The following BMPR2 variants were observed in gnomAD, a reference collection of about 807,000 sequenced individuals.
The protein encoded by BMPR2 is bone morphogenetic protein receptor type-2.
BMPR2 carries 29 observed loss-of-function variants against 100.8 expected under a neutral mutation model. The observed-to-expected ratio is 0.29, with a 90% CI of 0.21 to 0.39. The LOEUF is 0.39. Ranked by LOEUF, BMPR2 falls within the 10% of genes least tolerant of loss-of-function variation. BMPR2 has a pLI of 1.00. For synonymous variants in BMPR2, 382 were observed against 442.3 expected (o/e 0.86, Z 1.71); for missense variants, 1,011 against 1,274.5 (o/e 0.79, Z 3.15).
intron 3 of BMPR2, among the ~76,000 whole-genome samples, chr2:202,510,806 G>C (rs914525611): frequency 5.3e-5 from 8 of 151,802 alleles, no homozygotes; most frequent in African/African-American, 1.9e-4. Context: ...TGAGCCTCCT[G>C]AGTAGCTGGG....
Position 202,513,740 on chromosome 2 carries a change from G to T in BMPR2, c.440G>T (p.Arg147Leu). 6.2e-7 allele frequency: 1 copy of T among 1,612,494 alleles called. No homozygotes were observed. The highest frequency in any genetic ancestry group is 8.5e-7 in the Non-Finnish European group (1 of 1,179,252). The part of the protein sequence containing the change: ...TPLSPPHSFN[R>L]DETIIIALAS... The stretch of plus-strand genomic sequence containing the variant: ...TTAGGTCCACCTCATTCATTTAACC[G>T]AGATGAGACAATAATCATTGCTTTG... Residue 147 changes from arginine (R) to leucine (L), a missense_variant, in exon 4 of 13, where the codon CGA (arginine) becomes CTA (leucine). Coordinates refer to ENST00000374580, the MANE Select transcript of BMPR2 (RefSeq NM_001204.7).
chr2:202,500,401 A>G (rs1455040564), intron 3 of BMPR2, among the ~76,000 whole-genome samples: 2 of 152,252 alleles, frequency 1.3e-5, no homozygotes, highest in Middle Eastern at 3.4e-3. Context: ...CCAAGGCTGG[A>G]GCTATTATCT....
chr2:202,382,409 T>G (rs1690323532), intron 1 of BMPR2, among the ~76,000 whole-genome samples: 1 of 152,152 alleles, frequency 6.6e-6, no homozygotes, highest in African/African-American at 2.4e-5. Flanking sequence ...CAGGCTGGTC[T>G]CAAACTCCTT....
rs551664113 is a variant in BMPR2, at chr2:202,403,356, C to T, written c.76+25806C>T. On this transcript the variant is annotated intron_variant, in intron 1 of 12. Transcript: ENST00000374580. ...CTGGGACTACAGTTGCGCACTGCCA[C>T]GCCTGGCTAATTTTTGTATTTTTTG... Among the ~76,000 whole-genome samples, 11 of 152,072 alleles carry T rather than the reference C, an allele frequency of 7.2e-5. No homozygotes were observed. In the East Asian group the frequency reaches 1.9e-3, roughly 27 times the overall value.
At position 202,556,000 on chromosome 2, in the gene BMPR2, T is replaced by C; in HGVS notation, c.2335T>C (p.Ser779Pro). Residue 779 changes from serine (S) to proline (P), a missense_variant, in exon 12 of 13, where the codon TCA becomes CCA. Ser to Pro is a moderately conservative substitution (Grantham distance 74). Around this residue, in one of 6 missense-constraint regions of BMPR2, gnomAD observed 508 missense variants for 552.0 expected, o/e 0.92. Transcript: ENST00000374580. ...PRLKFGSKHK[S>P]NLKQVETGVA... Reference sequence around the variant, plus strand: ...GCTAAAATTTGGCAGCAAGCACAAATCAAACTTGAAACAAGTCGAAACTGG... The same window carrying C: ...GCTAAAATTTGGCAGCAAGCACAAACCAAACTTGAAACAAGTCGAAACTGG... 6.2e-7 allele frequency: 1 copy of C among 1,614,096 alleles called. No homozygotes were observed. The highest frequency in any genetic ancestry group is 8.5e-7 in the Non-Finnish European group (1 of 1,180,006).
At chr2:202,547,067 C>A (rs1280482636) in intron 10 of BMPR2, among the ~76,000 whole-genome samples, 1 of 151,998 alleles carries the variant, frequency 6.6e-6, no homozygotes. Flanking sequence ...CATGCCTGGC[C>A]CCCACACACA....
intron 6 of BMPR2, 97 bp downstream of exon 6, chr2:202,519,149 G>A: frequency 2.3e-6 from 3 of 1,285,098 alleles, no homozygotes; most frequent in Non-Finnish European, 3.4e-6. Flanking sequence ...ATCACTTGAG[G>A]CCAAGAGTTC....
At chr2:202,543,136 C>G (rs1432605501) in intron 10 of BMPR2, among the ~76,000 whole-genome samples, 2 of 143,476 alleles carry the variant, frequency 1.4e-5, no homozygotes, top group African/African-American at 2.7e-5. Context: ...GAGATCACAC[C>G]ACTGCACTCC....
At chr2:202,385,994 TC>T (rs1690419449) in intron 1 of BMPR2, among the ~76,000 whole-genome samples, 1 of 152,154 alleles carries the variant, frequency 6.6e-6, no homozygotes, top group Non-Finnish European at 1.5e-5. Flanking sequence ...TTTTTTTTCA[TC>T]CTTCAAGTAC....
At chr2:202,493,885 T>G (rs1420332810) in intron 3 of BMPR2, among the ~76,000 whole-genome samples, 1 of 152,198 alleles carries the variant, frequency 6.6e-6, no homozygotes, top group Non-Finnish European at 1.5e-5. Context: ...CTATTTTTTT[T>G]GTTGTTATTT....
At chr2:202,536,403 C>T (rs777346870) in intron 9 of BMPR2, among the ~76,000 whole-genome samples, 4 of 151,816 alleles carry the variant, frequency 2.6e-5, no homozygotes, top group African/African-American at 2.4e-5. Context: ...AGTGAGCCAC[C>T]GCACCAGGCC....
chr2:202,510,666 TG>T (rs1352641091), intron 3 of BMPR2, among the ~76,000 whole-genome samples: 2 of 151,956 alleles, frequency 1.3e-5, no homozygotes, highest in Admixed American at 6.6e-5. Context: ...AGGTTTTTTT[TG>T]TTTTTTTTTG....
rs969598352 is a variant in BMPR2, at chr2:202,562,753, C to T, written c.*2807C>T. The T allele has an allele frequency of 1.3e-5, 2 of 151,940 alleles. No individual in the cohort carries two copies. The highest frequency in any genetic ancestry group is 2.4e-5 in the African/African-American group (1 of 41,348). 9.4% of individuals were successfully genotyped at this position (151,940 alleles called of 1,614,324 possible). On this transcript the variant is annotated 3_prime_UTR_variant, in exon 13 of 13. Coordinates refer to ENST00000374580, the MANE Select transcript of BMPR2 (RefSeq NM_001204.7). ...TCCTAACTGTATACCAGAATTAGGTCACTGAAAGAACTTGATTTGAATTAC... is the reference window on the plus strand; with the variant it reads ...TCCTAACTGTATACCAGAATTAGGTTACTGAAAGAACTTGATTTGAATTAC...
In BMPR2 at chr2:202,464,926, C is replaced by T; in HGVS notation, c.194C>T (p.Thr65Ile). Residue 65 changes from threonine to isoleucine, a missense_variant, in exon 2 of 13, where the codon ACC (threonine) becomes ATC (isoleucine). Coordinates refer to ENST00000374580, the MANE Select transcript of BMPR2 (RefSeq NM_001204.7). ...NGTILCSKGS[T>I]CYGLWEKSKG... ...ACAATATTATGCTCGAAAGGTAGCA[C>T]CTGCTATGGCCTTTGGGAGAAATCA... 1.2e-6 allele frequency: 2 copies of T among 1,614,026 alleles called. No individual in the cohort carries two copies. Among genetic ancestry groups the T allele is most frequent in the Non-Finnish European group, 8.5e-7 (1 of 1,180,016 alleles).
intron 3 of BMPR2, among the ~76,000 whole-genome samples, chr2:202,497,842 A>C (rs1693073909): frequency 6.6e-6 from 1 of 152,146 alleles, no homozygotes; most frequent in Non-Finnish European, 1.5e-5. Flanking sequence ...TATAAACTCC[A>C]GGACTCTGTT....
chr2:202,404,807 G>A (rs1241801666), intron 1 of BMPR2, among the ~76,000 whole-genome samples: 1 of 151,946 alleles, frequency 6.6e-6, no homozygotes, highest in Non-Finnish European at 1.5e-5. Context: ...GGAGTCCCCA[G>A]TGTCTATCGT....
In BMPR2 at chr2:202,564,444, T is replaced by C. The variant is rs890465423; in HGVS notation, c.*4498T>C. The C allele has an allele frequency of 5.9e-5, 9 of 152,198 alleles. No individual in the cohort carries two copies. Among genetic ancestry groups the C allele is most frequent in the African/African-American group, 2.2e-4 (9 of 41,466 alleles). The allele number at this position is 152,198 out of a possible 1,614,324, so 9.4% of individuals were successfully genotyped here. On this transcript the variant is annotated 3_prime_UTR_variant, in exon 13 of 13. Coordinates refer to ENST00000374580, the MANE Select transcript of BMPR2 (RefSeq NM_001204.7). ...TTCTGGAAATTGTAACACTCCCACATAAACCCCAGGAGACTTTTTCAGAAT... is the reference window on the plus strand; with the variant it reads ...TTCTGGAAATTGTAACACTCCCACACAAACCCCAGGAGACTTTTTCAGAAT...
At position 202,545,996 on chromosome 2, in the gene BMPR2, C is replaced by T. The variant is rs541603715; in HGVS notation, c.1413+3549C>T. ...TCCTTAAATTGTTTTATTTCACCAGCGCAAATGGGATCTATTATTTTGAAA... is the reference window on the plus strand; with the variant it reads ...TCCTTAAATTGTTTTATTTCACCAGTGCAAATGGGATCTATTATTTTGAAA... On this transcript the variant is annotated intron_variant, in intron 10 of 12. Transcript: ENST00000374580. Among the ~76,000 whole-genome samples, 125 of 152,240 alleles carry T rather than the reference C, an allele frequency of 8.2e-4. 2 individuals carry two copies. Among genetic ancestry groups the T allele is most frequent in the Non-Finnish European group, 1.6e-3 (109 of 68,004 alleles).
intron 3 of BMPR2, among the ~76,000 whole-genome samples, chr2:202,493,571 A>C (rs1347880518): frequency 6.6e-6 from 1 of 152,178 alleles, no homozygotes; most frequent in Non-Finnish European, 1.5e-5. Context: ...ATTCCAATCA[A>C]ATATAATTAA....
Sources: allele counts gnomAD v4.1 joint callset (sites outside exome capture counted in the v4.1 genomes callset), GRCh38; gene constraint gnomAD v4.1.1; regional missense constraint gnomAD v4.1.1; transcripts MANE v1.5; gene names NCBI Gene and HGNC (gene_info 2026-07-23, HGNC 2026-07-21).